TRIM9: variants seen among roughly 807,000 people sequenced by gnomAD.
TRIM9 encodes E3 ubiquitin-protein ligase TRIM9.
In TRIM9, 26 loss-of-function variants were observed where a neutral mutation model predicts 78.3. The ratio of observed to expected loss-of-function variants is 0.33; its 90% CI spans 0.24 to 0.46. TRIM9 has a LOEUF of 0.46. Among genes scored for constraint, TRIM9 ranks in the 20% least tolerant of loss-of-function variants. TRIM9 has a pLI of 1.00. For missense variants in TRIM9, 787 were observed against 1,036.4 expected, an observed-to-expected ratio of 0.76 and a Z score of 3.30; for synonymous variants, 398 against 416.5, an observed-to-expected ratio of 0.96 and a Z score of 0.54.
chr14:50,998,688 C>G (rs1282341189), intron 6 of TRIM9, among the ~76,000 whole-genome samples: 2 of 152,112 alleles, frequency 1.3e-5, no homozygotes, highest in African/African-American at 4.8e-5. Flanking sequence ...TCAGAACTGT[C>G]ACAGAGATTA....
intron 1 of TRIM9, among the ~76,000 whole-genome samples, chr14:51,091,813 CA>C (rs896774056): frequency 6.6e-6 from 1 of 152,154 alleles, no homozygotes; most frequent in Non-Finnish European, 1.5e-5. Context: ...AGGGTTTTAA[CA>C]TTCTTTTGTG....
chr14:51,051,482 CAGTCTTACCTCGTA>C (rs756297775), intron 1 of TRIM9, among the ~76,000 whole-genome samples: 101 of 152,296 alleles, frequency 6.6e-4, no homozygotes, highest in Non-Finnish European at 1.2e-3. Context: ...TGAGGGCAGG[CAGTCTTACCTCGTA>C]GGCCTTTGCT....
intron 1 of TRIM9, among the ~76,000 whole-genome samples, chr14:51,036,278 A>T (rs1310066977): frequency 1.3e-5 from 2 of 152,270 alleles, no homozygotes; most frequent in African/African-American, 2.4e-5. Flanking sequence ...GAAATTGGCA[A>T]ACACTACAAA....
At chr14:51,069,410 A>T (rs1418249119) in intron 1 of TRIM9, among the ~76,000 whole-genome samples, 3 of 152,110 alleles carry the variant, frequency 2.0e-5, no homozygotes, top group Non-Finnish European at 2.9e-5. Flanking sequence ...ATGGATACAC[A>T]GGTATCTAGA....
chr14:51,075,009 T>G (rs2140262821), intron 1 of TRIM9, among the ~76,000 whole-genome samples: 3 of 152,298 alleles, frequency 2.0e-5, no homozygotes, highest in African/African-American at 7.2e-5. Flanking sequence ...GCGGACATTT[T>G]TATCCAAAGA....
At chr14:51,079,186 TTG>T (rs2063079206) in intron 1 of TRIM9, among the ~76,000 whole-genome samples, 1 of 152,202 alleles carries the variant, frequency 6.6e-6, no homozygotes, top group Non-Finnish European at 1.5e-5. Flanking sequence ...ATTGATGACT[TTG>T]TTCTCGTAAA....
chr14:51,071,394 A>G (rs2062243270), intron 1 of TRIM9, among the ~76,000 whole-genome samples: 1 of 151,508 alleles, frequency 6.6e-6, no homozygotes, highest in Non-Finnish European at 1.5e-5. Context: ...AAAGAAAAAA[A>G]AAAAAAAAAG....
At chr14:50,984,862 G>T (rs2052485628) in intron 8 of TRIM9, among the ~76,000 whole-genome samples, 2 of 152,124 alleles carry the variant, frequency 1.3e-5, no homozygotes, top group African/African-American at 4.8e-5. Flanking sequence ...CAAGGGAAAA[G>T]AGTTTCATAA....
chr14:51,077,557 C>T (rs2062914933), intron 1 of TRIM9, among the ~76,000 whole-genome samples: 1 of 152,022 alleles, frequency 6.6e-6, no homozygotes, highest in Non-Finnish European at 1.5e-5. Context: ...CCATGCCTGG[C>T]TAATTTTTGT....
chr14:51,085,421 T>C (rs1237574114), intron 1 of TRIM9, among the ~76,000 whole-genome samples: 2 of 110,302 alleles, frequency 1.8e-5, no homozygotes, highest in Non-Finnish European at 3.8e-5. Flanking sequence ...GTTCTGCTTC[T>C]ATGCAAGGCT....
intron 3 of TRIM9, among the ~76,000 whole-genome samples, chr14:51,017,810 G>T (rs960069081): frequency 6.6e-6 from 1 of 152,176 alleles, no homozygotes; most frequent in Non-Finnish European, 1.5e-5. Flanking sequence ...TGAGTGGGGG[G>T]GCTGTTCAGG....
chr14:50,992,368 G>T (rs760352790), intron 7 of TRIM9, among the ~76,000 whole-genome samples: 1 of 151,896 alleles, frequency 6.6e-6, no homozygotes, highest in South Asian at 2.1e-4. Flanking sequence ...GCTTGAGGCC[G>T]GGAGTTTGAG....
Position 51,022,279 on chromosome 14 carries a change from T to A in TRIM9, c.1041+556A>T, listed in dbSNP as rs544352010. On this transcript the variant is annotated intron_variant, in intron 3 of 12. Coordinates refer to ENST00000684578, the MANE Select transcript of TRIM9 (RefSeq NM_001387360.1). Reference sequence around the variant, plus strand: ...TATTATCTTGGGAGTGGGTTAATTATCATGGGAGTGGGCTCCCAATAAAAG... The same window carrying A: ...TATTATCTTGGGAGTGGGTTAATTAACATGGGAGTGGGCTCCCAATAAAAG... Among the ~76,000 whole-genome samples the A allele has an allele frequency of 5.4e-4, 82 of 152,316 alleles. 1 individual carries two copies. The highest frequency in any genetic ancestry group is 1.9e-4 in the Non-Finnish European group (13 of 68,034).
rs1159097623 is a variant in TRIM9, at chr14:50,986,025, A to G, written c.1723T>C (p.Tyr575His). Reference sequence around the variant, plus strand: ...TGGGGTGAGGATCGGAAATCAAAGTAGGATCTCCCGGGGAAGCTGGGTTGT... The same window carrying G: ...TGGGGTGAGGATCGGAAATCAAAGTGGGATCTCCCGGGGAAGCTGGGTTGT... ...NLQPSFPGRS[Y>H]FDFRSSPHQL... The change falls in exon 8 of 13, where the codon TAC becomes CAC. Residue 575 changes from tyrosine (Y) to histidine (H), a missense_variant. By Grantham distance (83) the Tyr-to-His change is moderately conservative (BLOSUM62 2). This residue lies in a region of TRIM9 where 421 missense variants were observed against 514.3 expected (regional missense o/e 0.82). Coordinates refer to ENST00000684578, the MANE Select transcript of TRIM9 (RefSeq NM_001387360.1). 4 of 1,549,756 alleles carry G rather than the reference A, an allele frequency of 2.6e-6. No homozygotes were observed. The highest frequency in any genetic ancestry group is 3.5e-6 in the Non-Finnish European group (4 of 1,146,562).
At chr14:51,006,588 G>A (rs1014044557) in intron 5 of TRIM9, among the ~76,000 whole-genome samples, 1 of 152,068 alleles carries the variant, frequency 6.6e-6, no homozygotes, top group African/African-American at 2.4e-5. Flanking sequence ...TGAGCACAAA[G>A]CAAAGCATAT....
At chr14:50,991,544 T>C (rs2053511692) in intron 7 of TRIM9, among the ~76,000 whole-genome samples, 1 of 152,166 alleles carries the variant, frequency 6.6e-6, no homozygotes, top group Non-Finnish European at 1.5e-5. Flanking sequence ...AGAAAAACCA[T>C]CTTTCAGTAG....
At chr14:51,093,505 C>T (rs1225412348) in intron 1 of TRIM9, among the ~76,000 whole-genome samples, 1 of 152,244 alleles carries the variant, frequency 6.6e-6, no homozygotes, top group African/African-American at 2.4e-5. Context: ...CGCTGGCTGC[C>T]CTCTCCGCTC....
At chr14:50,996,944 T>C in intron 7 of TRIM9, 1 of 985,420 alleles carries the variant, frequency 1.0e-6, no homozygotes, top group Non-Finnish European at 1.2e-6. Context: ...TGCTTGTTTT[T>C]AACCATGTGA....
At chr14:50,993,110 G>T (rs781088488) in intron 7 of TRIM9, among the ~76,000 whole-genome samples, 2 of 152,096 alleles carry the variant, frequency 1.3e-5, no homozygotes, top group Non-Finnish European at 2.9e-5. Flanking sequence ...TAGTATCAGA[G>T]CCTCAGAGAT....
Sources: allele counts gnomAD v4.1 joint callset (sites outside exome capture counted in the v4.1 genomes callset), GRCh38; gene constraint gnomAD v4.1.1; regional missense constraint gnomAD v4.1.1; transcripts MANE v1.5; gene names NCBI Gene and HGNC (gene_info 2026-07-23, HGNC 2026-07-21).